The following MRLN variants were observed in gnomAD, a reference collection of about 807,000 sequenced individuals.
MRLN encodes Linc-RNA activator of myogenesis.
At chr10:59,747,793 C>T (rs188405359) in intron 1 of MRLN, among the ~76,000 whole-genome samples, 106 of 152,328 alleles carry the variant, frequency 7.0e-4, no homozygotes, top group Admixed American at 2.3e-3. Flanking sequence ...GCCTCACACT[C>T]TCCGACACTA....
chr10:59,750,332 A>G (rs889068407), intron 1 of MRLN, among the ~76,000 whole-genome samples: 1 of 152,068 alleles, frequency 6.6e-6, no homozygotes, highest in African/African-American at 2.4e-5. Context: ...TGGCCTCCCA[A>G]AATGCTGGGA....
At chr10:59,753,272 A>C (rs933886884) in intron 1 of MRLN, 82 bp downstream of exon 1, 47 of 152,194 alleles carry the variant, frequency 3.1e-4, no homozygotes, top group African/African-American at 1.1e-3. Flanking sequence ...CTTTAGAGTC[A>C]CACTAAACTT....
At chr10:59,743,405 A>G (rs1841005153) in intron 1 of MRLN, among the ~76,000 whole-genome samples, 1 of 152,174 alleles carries the variant, frequency 6.6e-6, no homozygotes, top group Admixed American at 6.5e-5. Context: ...TGAAAGGAAA[A>G]TTACATTTAT....
intron 1 of MRLN, among the ~76,000 whole-genome samples, chr10:59,742,666 CCCTT>C (rs1174662977): frequency 6.8e-6 from 1 of 146,162 alleles, no homozygotes; most frequent in Non-Finnish European, 1.5e-5. Context: ...TTCCTTCCTT[CCCTT>C]CCTTCCTTCC....
At chr10:59,751,514 C>G (rs1231001766) in intron 1 of MRLN, among the ~76,000 whole-genome samples, 1 of 150,186 alleles carries the variant, frequency 6.7e-6, no homozygotes, top group Non-Finnish European at 1.5e-5. Context: ...AAAATAATAA[C>G]AAAAAATTAG....
rs142193812 is a variant in MRLN, at chr10:59,745,778, C to T, written c.-124-7216G>A. Among the ~76,000 whole-genome samples the T allele has an allele frequency of 3.1e-3, 465 of 152,208 alleles. 5 individuals are homozygous for T. The highest frequency in any genetic ancestry group is 0.011 in the African/African-American group (438 of 41,524). On this transcript the variant is annotated intron_variant, in intron 1 of 2. Coordinates refer to ENST00000414264, the MANE Select transcript of MRLN (RefSeq NM_001304731.2). ...GAACCCCTGGTTTCTAGGAGCTGGA[C>T]TTCATTGTATCCTCTGTTCTTCACT...
At chr10:59,751,309 G>A (rs1589020502) in intron 1 of MRLN, among the ~76,000 whole-genome samples, 1 of 152,030 alleles carries the variant, frequency 6.6e-6, no homozygotes. Flanking sequence ...TTTCCATAGG[G>A]CAGATGAGGT....
chr10:59,745,558 G>A (rs1345461144), intron 1 of MRLN, among the ~76,000 whole-genome samples: 1 of 143,230 alleles, frequency 7.0e-6, no homozygotes, highest in East Asian at 2.1e-4. Context: ...AGGCCATTGG[G>A]AGTCACTTTA....
chr10:59,745,042 C>T (rs1474305048), intron 1 of MRLN, among the ~76,000 whole-genome samples: 5 of 152,018 alleles, frequency 3.3e-5, no homozygotes, highest in African/African-American at 1.2e-4. Context: ...CTGACCTTCC[C>T]TCCACTATTG....
intron 1 of MRLN, among the ~76,000 whole-genome samples, chr10:59,748,909 G>C (rs1354195799): frequency 6.6e-6 from 1 of 152,214 alleles, no homozygotes; most frequent in East Asian, 1.9e-4. Flanking sequence ...AAATGTGGCA[G>C]GTCAGGGCCA....
At chr10:59,744,020 C>T (rs564934654) in intron 1 of MRLN, among the ~76,000 whole-genome samples, 78 of 152,282 alleles carry the variant, frequency 5.1e-4, no homozygotes, top group Non-Finnish European at 8.5e-4. Flanking sequence ...CTACAACCGC[C>T]ACCTCCCAGC....
chr10:59,738,280 A>G (rs1840944548), intron 2 of MRLN, 179 bp downstream of exon 2: 1 of 152,242 alleles, frequency 6.6e-6, no homozygotes, highest in Admixed American at 6.5e-5. Flanking sequence ...ACGGGTTTGC[A>G]AAGTGATTTT....
chr10:59,749,591 G>A lies in MRLN; in HGVS notation c.-125+3763C>T, dbSNP rs576937421. ...CACCTGTAGTCTCAGCTACTCAGGA[G>A]GCTGAAGCACAAGAGTCGCTTGAAC... On this transcript the variant is annotated intron_variant, in intron 1 of 2. Coordinates refer to ENST00000414264, the MANE Select transcript of MRLN (RefSeq NM_001304731.2). Among the ~76,000 whole-genome samples, 4 of 152,118 alleles carry A rather than the reference G, an allele frequency of 2.6e-5. No individual in the cohort carries two copies. The South Asian group carries it at 8.3e-4, about 32-fold the overall frequency.
chr10:59,749,929 C>T (rs958765393), intron 1 of MRLN, among the ~76,000 whole-genome samples: 1 of 151,954 alleles, frequency 6.6e-6, no homozygotes, highest in Non-Finnish European at 1.5e-5. Context: ...GGTGTTGGCT[C>T]GCCTGGCAGC....
chr10:59,741,549 A>T (rs1840983891), intron 1 of MRLN, among the ~76,000 whole-genome samples: 1 of 151,804 alleles, frequency 6.6e-6, no homozygotes, highest in Non-Finnish European at 1.5e-5. Context: ...TGCCTAGCTA[A>T]TTTTTTGTAT....
chr10:59,744,719 T>C (rs1241921381), intron 1 of MRLN: 1 of 156,022 alleles, frequency 6.4e-6, no homozygotes, highest in African/African-American at 2.4e-5. Flanking sequence ...ACTGTGTCTG[T>C]GTAGAAAGAA....
chr10:59,748,004 TC>T (rs1415845683), intron 1 of MRLN, among the ~76,000 whole-genome samples: 2 of 152,154 alleles, frequency 1.3e-5, no homozygotes, highest in Non-Finnish European at 2.9e-5. Context: ...CATCTCCCTT[TC>T]CCAGAAAGTT....
At chr10:59,742,895 GTTTATT>G (rs1284531214) in intron 1 of MRLN, among the ~76,000 whole-genome samples, 7 of 151,916 alleles carry the variant, frequency 4.6e-5, no homozygotes, top group Non-Finnish European at 1.0e-4. Flanking sequence ...CACCCAGGTA[GTTTATT>G]TTTATTTTTG....
rs10652105 is a variant in MRLN at position 59,751,669 on chromosome 10, C to CAAAA, written c.-125+1681_-125+1684dup. Among the ~76,000 whole-genome samples the CAAAA allele has an allele frequency of 9.8e-4, 80 of 81,988 alleles. 4 individuals are homozygous for CAAAA. The highest frequency in any genetic ancestry group is 2.0e-3 in the African/African-American group (37 of 18,950). 53.8% of individuals were successfully genotyped at this position (81,988 alleles called of 152,430 possible). A position where few individuals can be genotyped will look rare whatever the true frequency, so the allele number is the denominator to read the frequency against. On this transcript the variant is annotated intron_variant, in intron 1 of 2. Transcript: ENST00000414264. ...TGGGTGACAGAGTAAGACTCTGTCT[C>CAAAA]AAAAAAAAAAAAAAAAAAAAAGTGA...
Sources: allele counts gnomAD v4.1 joint callset (sites outside exome capture counted in the v4.1 genomes callset), GRCh38; gene constraint gnomAD v4.1.1; transcripts MANE v1.5; gene names NCBI Gene and HGNC (gene_info 2026-07-23, HGNC 2026-07-21).